XPR1: variants seen among roughly 807,000 people sequenced by gnomAD.
The protein encoded by XPR1 is solute carrier family 53 member 1.
XPR1 carries 28 observed loss-of-function variants against 87.5 expected under a neutral mutation model. The ratio of observed to expected loss-of-function variants is 0.32; its 90% CI spans 0.24 to 0.44. The LOEUF is 0.44. Ranked by LOEUF, XPR1 falls within the 20% of genes least tolerant of loss-of-function variation. XPR1 has a pLI of 1.00. For synonymous variants in XPR1, 300 were observed against 306.1 expected, an observed-to-expected ratio of 0.98 and a Z score of 0.21; for missense variants, 559 against 862.3, an observed-to-expected ratio of 0.65 and a Z score of 4.41.
At chr1:180,824,433 T>C (rs1185253152) in intron 7 of XPR1, among the ~76,000 whole-genome samples, 1 of 151,956 alleles carries the variant, frequency 6.6e-6, no homozygotes, top group Non-Finnish European at 1.5e-5. Flanking sequence ...ATACAACAAT[T>C]AGCTGGGCGT....
intron 2 of XPR1, among the ~76,000 whole-genome samples, chr1:180,747,856 A>G (rs1395142997): frequency 1.3e-5 from 2 of 152,152 alleles, no homozygotes; most frequent in African/African-American, 4.8e-5. Flanking sequence ...TGTGGTGGGG[A>G]CCCCAGCTCA....
intron 2 of XPR1, among the ~76,000 whole-genome samples, chr1:180,740,289 T>C (rs1385295456): frequency 4.6e-5 from 7 of 152,140 alleles, no homozygotes; most frequent in Admixed American, 2.6e-4. Flanking sequence ...TTGCTGCAGG[T>C]TTTTTCCCCT....
At chr1:180,816,420 C>T (rs140876345) in intron 7 of XPR1, among the ~76,000 whole-genome samples, 17 of 152,278 alleles carry the variant, frequency 1.1e-4, no homozygotes, top group African/African-American at 2.4e-4. Flanking sequence ...TGACAGAGCA[C>T]GGACCAGTAC....
intron 9 of XPR1, among the ~76,000 whole-genome samples, chr1:180,830,618 T>C (rs988910589): frequency 6.6e-6 from 1 of 152,190 alleles, no homozygotes; most frequent in Non-Finnish European, 1.5e-5. Context: ...AGCTAGAGAT[T>C]AGATTCATTT....
At chr1:180,755,483 G>A (rs1366408687) in intron 2 of XPR1, among the ~76,000 whole-genome samples, 2 of 152,130 alleles carry the variant, frequency 1.3e-5, no homozygotes, top group African/African-American at 4.8e-5. Flanking sequence ...ACATCTACCA[G>A]CTACTTCAGT....
chr1:180,826,916 G>A (rs931821056), intron 9 of XPR1, among the ~76,000 whole-genome samples: 1 of 151,926 alleles, frequency 6.6e-6, no homozygotes, highest in Non-Finnish European at 1.5e-5. Flanking sequence ...CACTTTGGGA[G>A]GCCGAGGTGG....
chr1:180,675,113 T>G (rs1054045846), intron 1 of XPR1, among the ~76,000 whole-genome samples: 1 of 152,198 alleles, frequency 6.6e-6, no homozygotes, highest in Non-Finnish European at 1.5e-5. Context: ...AGACATGTCT[T>G]AATCAATTTA....
chr1:180,714,073 G>T (rs563989386), intron 2 of XPR1, among the ~76,000 whole-genome samples: 2 of 152,134 alleles, frequency 1.3e-5, no homozygotes, highest in Non-Finnish European at 2.9e-5. Flanking sequence ...ACTCTTGATA[G>T]TTGGTATCTT....
intron 2 of XPR1, among the ~76,000 whole-genome samples, chr1:180,706,777 AT>A (rs536290314): frequency 6.6e-6 from 1 of 150,776 alleles, no homozygotes. Context: ...ATGCCTGGCT[AT>A]TTTTTTTTAT....
chr1:180,754,271 C>T lies in XPR1; in HGVS notation c.122-33482C>T, dbSNP rs189464686. On this transcript the variant is annotated intron_variant, in intron 2 of 14. Coordinates refer to ENST00000367590, the MANE Select transcript of XPR1 (RefSeq NM_004736.4). Reference sequence around the variant, plus strand: ...TGTCTCTAATTTATTTGTTGTATTCCTTTTAATTGATAGGTATATGAGAAC... The same window carrying T: ...TGTCTCTAATTTATTTGTTGTATTCTTTTTAATTGATAGGTATATGAGAAC... Among the ~76,000 whole-genome samples, 898 of 152,114 alleles carry T rather than the reference C, an allele frequency of 5.9e-3. 11 individuals are homozygous for T. The highest frequency in any genetic ancestry group is 0.021 in the African/African-American group (857 of 41,524).
intron 12 of XPR1, among the ~76,000 whole-genome samples, chr1:180,864,461 T>G (rs77990941): frequency 0.015 from 2,290 of 152,276 alleles, 28 homozygotes; most frequent in Non-Finnish European, 0.026. Context: ...ATAGTAGACT[T>G]AATGTTTCTG....
intron 6 of XPR1, among the ~76,000 whole-genome samples, chr1:180,808,487 A>G (rs562672818): frequency 1.3e-5 from 2 of 152,280 alleles, no homozygotes; most frequent in East Asian, 3.9e-4. Context: ...TATGCTCTTC[A>G]AAAGACATAT....
chr1:180,790,410 T>C (rs1178205328), intron 3 of XPR1, among the ~76,000 whole-genome samples: 1 of 152,152 alleles, frequency 6.6e-6, no homozygotes, highest in Non-Finnish European at 1.5e-5. Flanking sequence ...CCCTCATCTT[T>C]CATTTGTAGC....
intron 11 of XPR1, among the ~76,000 whole-genome samples, chr1:180,858,857 A>G (rs1652124890): frequency 6.6e-6 from 1 of 152,204 alleles, no homozygotes; most frequent in Non-Finnish European, 1.5e-5. Context: ...AAAACACACT[A>G]AAGATCGGGG....
At chr1:180,837,092 T>C (rs576764847) in intron 11 of XPR1, among the ~76,000 whole-genome samples, 1 of 152,344 alleles carries the variant, frequency 6.6e-6, no homozygotes, top group Admixed American at 6.5e-5. Flanking sequence ...CAAGTATATT[T>C]TTAATCGCTT....
At chr1:180,795,750 T>C (rs771374190) in intron 3 of XPR1, among the ~76,000 whole-genome samples, 5 of 152,136 alleles carry the variant, frequency 3.3e-5, no homozygotes, top group South Asian at 2.1e-4. Flanking sequence ...ACATTTGCAA[T>C]AGAAATGTTT....
At chr1:180,654,796 A>G (rs1462883603) in intron 1 of XPR1, among the ~76,000 whole-genome samples, 1 of 152,110 alleles carries the variant, frequency 6.6e-6, no homozygotes, top group Non-Finnish European at 1.5e-5. Flanking sequence ...TAATTGAAAG[A>G]CGCTTGGGTT....
At chr1:180,681,988 C>T (rs1366317789) in intron 1 of XPR1, among the ~76,000 whole-genome samples, 2 of 152,136 alleles carry the variant, frequency 1.3e-5, no homozygotes, top group African/African-American at 4.8e-5. Flanking sequence ...TAAAAAGATA[C>T]TTGTATCCAG....
At chr1:180,878,439 C>T (rs898336830) in intron 13 of XPR1, 3 of 152,170 alleles carry the variant, frequency 2.0e-5, no homozygotes, top group South Asian at 2.1e-4. Flanking sequence ...ATTCCCAATA[C>T]TCAAACTAAA....
Sources: allele counts gnomAD v4.1 joint callset (sites outside exome capture counted in the v4.1 genomes callset), GRCh38; gene constraint gnomAD v4.1.1; transcripts MANE v1.5; gene names NCBI Gene and HGNC (gene_info 2026-07-23, HGNC 2026-07-21).